Variants in GPC3 observed in about 807,000 individuals in gnomAD.
GPC3 encodes glypican 3.
GPC3 carries 3 observed loss-of-function variants against 34.4 expected under a neutral mutation model. The observed-to-expected ratio is 0.09, with a 90% CI of 0.04 to 0.23. GPC3 has a LOEUF of 0.23. Ranked by LOEUF, GPC3 falls within the 10% of genes least tolerant of loss-of-function variation. GPC3 has a pLI of 1.00. For synonymous variants in GPC3, 177 were observed against 174.0 expected, an observed-to-expected ratio of 1.02 and a Z score of -0.13; for missense variants, 351 against 445.6, an observed-to-expected ratio of 0.79 and a Z score of 1.91.
At chrX:133,985,012 G>C (rs1189695457) in intron 1 of GPC3, among the ~76,000 whole-genome samples, 1 of 111,960 alleles carries the variant, frequency 8.9e-6, no homozygotes, top group East Asian at 2.8e-4. Flanking sequence ...GGGCGCTCAC[G>C]AGAAGGCGAT....
At chrX:133,843,731 C>G (rs2075835410) in intron 2 of GPC3, among the ~76,000 whole-genome samples, 1 of 110,767 alleles carries the variant, frequency 9.0e-6, no homozygotes, top group African/African-American at 3.3e-5. Context: ...ATGCGTTATG[C>G]AGCAATAGAT....
At chrX:133,845,173 G>A (rs1271087349) in intron 2 of GPC3, among the ~76,000 whole-genome samples, 1 of 111,784 alleles carries the variant, frequency 8.9e-6, no homozygotes, top group Non-Finnish European at 1.9e-5. Context: ...ACTTAAAATA[G>A]ATCAGATGAA....
At chrX:133,657,936 G>GAGAGAGAGAGA (rs59330472) in intron 6 of GPC3, among the ~76,000 whole-genome samples, 16 of 105,946 alleles carry the variant, frequency 1.5e-4, no homozygotes, top group African/African-American at 5.7e-4. Context: ...GAGAGAGAGA[G>GAGAGAGAGAGA]GAGAAGTATT....
At chrX:133,556,028 T>C (rs1461391043) in intron 7 of GPC3, among the ~76,000 whole-genome samples, 1 of 110,726 alleles carries the variant, frequency 9.0e-6, no homozygotes, top group East Asian at 2.9e-4. Flanking sequence ...AATTACCCCA[T>C]CCTGTAAATT....
chrX:133,814,105 T>C (rs1454308728), intron 2 of GPC3, among the ~76,000 whole-genome samples: 1 of 111,696 alleles, frequency 9.0e-6, no homozygotes. Flanking sequence ...AACAGACAGC[T>C]GTGCTTTCAG....
At chrX:133,643,845 T>TTTTTTTTTTTTTG (rs2070511114) in intron 6 of GPC3, among the ~76,000 whole-genome samples, 1 of 108,931 alleles carries the variant, frequency 9.2e-6, no homozygotes, top group African/African-American at 3.4e-5. Context: ...TTTTTTTTTT[T>TTTTTTTTTTTTTG]GAGACGGGGT....
intron 1 of GPC3, among the ~76,000 whole-genome samples, chrX:133,971,917 G>C (rs1365674720): frequency 9.0e-6 from 1 of 111,664 alleles, no homozygotes; most frequent in Non-Finnish European, 1.9e-5. Flanking sequence ...ATTATTAGTT[G>C]GTAGTAAATT....
intron 7 of GPC3, among the ~76,000 whole-genome samples, chrX:133,575,062 G>A (rs1295134001): frequency 8.9e-6 from 1 of 111,967 alleles, no homozygotes; most frequent in African/African-American, 3.2e-5. Context: ...GGCCTTTGGA[G>A]CCAAAAAGGC....
At chrX:133,806,494 G>C (rs764258527) in intron 2 of GPC3, among the ~76,000 whole-genome samples, 5 of 110,958 alleles carry the variant, frequency 4.5e-5, no homozygotes, top group African/African-American at 9.8e-5. Flanking sequence ...AGAAAAAACT[G>C]GTCTTGATTT....
intron 2 of GPC3, among the ~76,000 whole-genome samples, chrX:133,823,371 T>G (rs2075730401): frequency 9.1e-6 from 1 of 110,257 alleles, no homozygotes; most frequent in African/African-American, 3.3e-5. Context: ...TCCATATAAT[T>G]GAAAACTAAG....
intron 2 of GPC3, among the ~76,000 whole-genome samples, chrX:133,892,668 A>T (rs2076093295): frequency 9.1e-6 from 1 of 109,988 alleles, no homozygotes. Context: ...AAGTCACTCC[A>T]CACCAAAAGG....
At chrX:133,568,377 C>A (rs5933328) in intron 7 of GPC3, among the ~76,000 whole-genome samples, 2 of 111,222 alleles carry the variant, frequency 1.8e-5, no homozygotes, top group African/African-American at 6.6e-5. Flanking sequence ...AACAAGATGT[C>A]GTCTCTGTCC....
chrX:133,629,268 CTT>C (rs1156488191), intron 6 of GPC3, among the ~76,000 whole-genome samples: 2 of 112,037 alleles, frequency 1.8e-5, no homozygotes, highest in Non-Finnish European at 3.8e-5. Flanking sequence ...CTCTGTCACT[CTT>C]TGAGTATTGG....
At chrX:133,684,598 C>G (rs1333684129) in intron 5 of GPC3, among the ~76,000 whole-genome samples, 4 of 111,502 alleles carry the variant, frequency 3.6e-5, no homozygotes, top group Non-Finnish European at 7.5e-5. Context: ...GTACCCTCTT[C>G]CTCTTGGCTC....
chrX:133,757,505 T>A (rs1173470107), intron 2 of GPC3, among the ~76,000 whole-genome samples: 1 of 111,883 alleles, frequency 8.9e-6, no homozygotes, highest in Non-Finnish European at 1.9e-5. Context: ...ATACTGATGT[T>A]CCTGTATTCA....
chrX:133,795,876 T>A (rs979403833), intron 2 of GPC3, among the ~76,000 whole-genome samples: 2 of 110,109 alleles, frequency 1.8e-5, no homozygotes. Context: ...TTTCACAGTT[T>A]AATATTTTAC....
At chrX:133,901,565 C>G (rs540935653) in intron 2 of GPC3, among the ~76,000 whole-genome samples, 11 of 111,129 alleles carry the variant, frequency 9.9e-5, no homozygotes, top group African/African-American at 3.6e-4. Context: ...CTTAGCCTCC[C>G]GAGTAGCTGG....
At chrX:133,600,160 A>G (rs1378450216) in intron 6 of GPC3, among the ~76,000 whole-genome samples, 1 of 112,132 alleles carries the variant, frequency 8.9e-6, no homozygotes, top group African/African-American at 3.2e-5. Context: ...TGTCTAGCAC[A>G]TAGTAGGCAC....
chrX:133,551,851 C>T (rs2069436402), intron 7 of GPC3, among the ~76,000 whole-genome samples: 1 of 111,795 alleles, frequency 8.9e-6, no homozygotes, highest in Non-Finnish European at 1.9e-5. Context: ...TGTTTCCTGA[C>T]CCCAGCACCT....
Sources: gnomAD v4.1 joint callset for allele counts (sites outside exome capture counted in the v4.1 genomes callset) on GRCh38, gnomAD v4.1.1 for gene constraint, MANE v1.5 for transcripts, NCBI Gene and HGNC (gene_info 2026-07-23, HGNC 2026-07-21) for gene names.